WWOX: variants seen among roughly 807,000 people sequenced by gnomAD.
WWOX encodes the protein WW domain containing oxidoreductase.
WWOX carries 69 observed loss-of-function variants against 46.2 expected under a neutral mutation model. The ratio of observed to expected loss-of-function variants is 1.49; its 90% CI spans 1.23 to 1.82. The LOEUF (loss-of-function observed/expected upper bound fraction) is 1.82. Among genes scored for constraint, WWOX ranks in the 40% most tolerant of loss-of-function variants. The probability of loss-of-function intolerance (pLI) is 0.00; values close to 1 mark genes in which losing one functional copy is unlikely to be tolerated. For missense variants in WWOX, 919 were observed against 542.6 expected, an observed-to-expected ratio of 1.69 and a Z score of -6.89; for synonymous variants, 359 against 202.6, an observed-to-expected ratio of 1.77 and a Z score of -6.56.
At chr16:78,470,299 C>T (rs1042425639) in intron 8 of WWOX, among the ~76,000 whole-genome samples, 1 of 152,172 alleles carries the variant, frequency 6.6e-6, no homozygotes, top group African/African-American at 2.4e-5. Flanking sequence ...CAGAGCATAA[C>T]CTTGTGCCCA....
At chr16:79,096,465 C>G (rs1298864359) in intron 8 of WWOX, among the ~76,000 whole-genome samples, 1 of 152,126 alleles carries the variant, frequency 6.6e-6, no homozygotes, top group African/African-American at 2.4e-5. Flanking sequence ...GAATGAGACC[C>G]ATGCCCCTCC....
chr16:79,173,147 C>T (rs1200639732), intron 8 of WWOX, among the ~76,000 whole-genome samples: 1 of 152,200 alleles, frequency 6.6e-6, no homozygotes, highest in Non-Finnish European at 1.5e-5. Context: ...ACATGTGTGC[C>T]CATGTCTCTG....
intron 8 of WWOX, among the ~76,000 whole-genome samples, chr16:78,798,502 A>AC (rs2050801937): frequency 6.6e-6 from 1 of 151,706 alleles, no homozygotes; most frequent in Admixed American, 6.6e-5. Flanking sequence ...TACAGCCTGT[A>AC]CTTGAGTCCT....
chr16:78,858,356 ATATG>A (rs2052618421), intron 8 of WWOX, among the ~76,000 whole-genome samples: 1 of 151,792 alleles, frequency 6.6e-6, no homozygotes, highest in Non-Finnish European at 1.5e-5. Flanking sequence ...GTATGTATAT[ATATG>A]TGTGTGTATG....
chr16:79,212,139 C>T lies in WWOX; in HGVS notation c.*343C>T. Reference sequence around the variant, plus strand: ...TACTGTTATAGAATAGCCTGAGGTCCCCTCGTCCCATCCAGCTACCACCAC... The same window carrying T: ...TACTGTTATAGAATAGCCTGAGGTCTCCTCGTCCCATCCAGCTACCACCAC... On this transcript the variant is annotated 3_prime_UTR_variant, in exon 9 of 9. Coordinates refer to ENST00000566780, the MANE Select transcript of WWOX (RefSeq NM_016373.4). 9 of 1,521,036 alleles carry T rather than the reference C, an allele frequency of 5.9e-6. No individual in the cohort carries two copies. Among genetic ancestry groups the T allele is most frequent in the Non-Finnish European group, 7.9e-6 (9 of 1,138,566 alleles). 94.2% of individuals were successfully genotyped at this position (1,521,036 alleles called of 1,614,324 possible).
At chr16:78,804,292 C>G (rs1369087674) in intron 8 of WWOX, among the ~76,000 whole-genome samples, 1 of 152,030 alleles carries the variant, frequency 6.6e-6, no homozygotes, top group African/African-American at 2.4e-5. Context: ...TCTTTGCCCT[C>G]AATTTCATTG....
At chr16:78,949,465 C>G (rs892315585) in intron 8 of WWOX, among the ~76,000 whole-genome samples, 3 of 152,180 alleles carry the variant, frequency 2.0e-5, no homozygotes, top group Non-Finnish European at 4.4e-5. Flanking sequence ...CCTCCCGTGA[C>G]ACTCAGCTCC....
At chr16:78,146,297 C>G (rs1448012416) in intron 4 of WWOX, among the ~76,000 whole-genome samples, 1 of 152,148 alleles carries the variant, frequency 6.6e-6, no homozygotes, top group Non-Finnish European at 1.5e-5. Context: ...CAACTCAGAG[C>G]TCTTTCTCTC....
intron 8 of WWOX, among the ~76,000 whole-genome samples, chr16:79,010,761 C>T (rs1054971674): frequency 6.8e-6 from 1 of 146,116 alleles, no homozygotes. Context: ...GGACATGGAC[C>T]CGATGCTGCC....
At position 78,424,873 on chromosome 16, in the gene WWOX, T is replaced by C; in HGVS notation, c.609T>C (p.Pro203=). 6.2e-7 allele frequency: 1 copy of C among 1,614,190 alleles called. No individual in the cohort carries two copies. ...FAEAFKAKNV[P]LHVLVCNAAT... ...CATGGGATATTTTATTTTTCAGGCCTCTTCATGTGCTTGTGTGCAACGCAG... is the reference window on the plus strand; with the variant it reads ...CATGGGATATTTTATTTTTCAGGCCCCTTCATGTGCTTGTGTGCAACGCAG... Residue 203 remains proline (P), a synonymous_variant, in exon 7 of 9, where the codon CCT becomes CCC. Transcript: ENST00000566780.
intron 8 of WWOX, among the ~76,000 whole-genome samples, chr16:78,671,712 C>T (rs1387737794): frequency 6.6e-6 from 1 of 152,042 alleles, no homozygotes; most frequent in African/African-American, 2.4e-5. Context: ...AGTAAGTGAC[C>T]AATAAATAGC....
intron 8 of WWOX, among the ~76,000 whole-genome samples, chr16:79,173,307 C>CATGTGCT (rs1247656879): frequency 6.6e-6 from 1 of 152,122 alleles, no homozygotes; most frequent in Non-Finnish European, 1.5e-5. Context: ...TGCCATGTGC[C>CATGTGCT]ATCTTAGAGA....
intron 5 of WWOX, among the ~76,000 whole-genome samples, chr16:78,311,786 C>T (rs1225500267): frequency 1.0e-5 from 1 of 98,570 alleles, no homozygotes; most frequent in Non-Finnish European, 2.0e-5. Context: ...AAAAAGCAGC[C>T]TGGCGGGGGG....
At chr16:79,061,802 C>T (rs80052005) in intron 8 of WWOX, among the ~76,000 whole-genome samples, 14,419 of 151,844 alleles carry the variant, frequency 0.095, 748 homozygotes, top group Middle Eastern at 0.15. Flanking sequence ...GCCTCTATGT[C>T]AGGCTCTGTA....
intron 8 of WWOX, among the ~76,000 whole-genome samples, chr16:78,654,634 C>G (rs1020697523): frequency 1.3e-5 from 2 of 151,376 alleles, no homozygotes; most frequent in African/African-American, 2.4e-5. Context: ...CCTATCTATA[C>G]CTTTCTCTCT....
At chr16:78,178,217 G>T (rs57666265) in intron 5 of WWOX, among the ~76,000 whole-genome samples, 2 of 152,218 alleles carry the variant, frequency 1.3e-5, no homozygotes, top group Non-Finnish European at 2.9e-5. Flanking sequence ...GATTAGGGCA[G>T]ATTCAAACCT....
chr16:78,285,039 G>A (rs552583649), intron 5 of WWOX, among the ~76,000 whole-genome samples: 18 of 152,288 alleles, frequency 1.2e-4, no homozygotes, highest in Non-Finnish European at 2.6e-4. Context: ...TTGGCTAGCT[G>A]GTGGACTTAA....
intron 8 of WWOX, among the ~76,000 whole-genome samples, chr16:78,964,836 GC>G (rs2046335679): frequency 6.6e-6 from 1 of 152,192 alleles, no homozygotes; most frequent in Admixed American, 6.5e-5. Context: ...GGGACTTGGT[GC>G]CCTGTGTCCC....
chr16:78,575,359 C>G (rs961668331), intron 8 of WWOX, among the ~76,000 whole-genome samples: 1 of 151,392 alleles, frequency 6.6e-6, no homozygotes, highest in Admixed American at 6.6e-5. Context: ...TTAGAGGATA[C>G]TAGCCTGAAA....
Sources: allele counts gnomAD v4.1 joint callset (sites outside exome capture counted in the v4.1 genomes callset), GRCh38; gene constraint gnomAD v4.1.1; transcripts MANE v1.5; gene names NCBI Gene and HGNC (gene_info 2026-07-23, HGNC 2026-07-21).